The following CUBN variants were observed in gnomAD, a reference collection of about 807,000 sequenced individuals.
CUBN encodes the protein 460 kDa receptor.
A neutral mutation model predicts 405.3 loss-of-function variants in CUBN; 282 were observed. That is an observed-to-expected ratio of 0.70 (90% confidence interval 0.63 to 0.77). CUBN has a LOEUF of 0.77. Among genes scored for constraint, CUBN ranks in the 30% least tolerant of loss-of-function variants. CUBN has a pLI of 0.00. For missense variants in CUBN, 4,514 were observed against 4,475.2 expected, an observed-to-expected ratio of 1.01 and a Z score of -0.25; for synonymous variants, 1,684 against 1,617.0, an observed-to-expected ratio of 1.04 and a Z score of -0.99.
chr10:17,083,271 T>A (rs1214705377), intron 17 of CUBN, among the ~76,000 whole-genome samples: 1 of 152,092 alleles, frequency 6.6e-6, no homozygotes, highest in Non-Finnish European at 1.5e-5. Flanking sequence ...TTTGGGAGGC[T>A]GAGGCCGGAG....
intron 54 of CUBN, among the ~76,000 whole-genome samples, chr10:16,897,791 T>C (rs1010813009): frequency 2.6e-5 from 4 of 152,028 alleles, no homozygotes; most frequent in Non-Finnish European, 4.4e-5. Flanking sequence ...AGAAGACGAG[T>C]GCTTCCCACG....
chr10:17,032,046 C>T (rs1834799419), intron 27 of CUBN, among the ~76,000 whole-genome samples: 1 of 152,178 alleles, frequency 6.6e-6, no homozygotes, highest in South Asian at 2.1e-4. Context: ...AAAATGTGAA[C>T]TCTGCCTGGA....
At chr10:17,118,698 A>G (rs573313203) in intron 6 of CUBN, among the ~76,000 whole-genome samples, 6 of 152,194 alleles carry the variant, frequency 3.9e-5, no homozygotes, top group Admixed American at 3.9e-4. Flanking sequence ...CGGCCTCCCA[A>G]AATGCTGGGA....
At chr10:16,923,654 C>T (rs1842101201) in intron 43 of CUBN, among the ~76,000 whole-genome samples, 1 of 152,164 alleles carries the variant, frequency 6.6e-6, no homozygotes, top group Non-Finnish European at 1.5e-5. Context: ...ATGGCCATAA[C>T]CATACTTGCA....
chr10:16,929,445 A>G (rs1842305000), intron 40 of CUBN, among the ~76,000 whole-genome samples: 1 of 152,236 alleles, frequency 6.6e-6, no homozygotes, highest in African/African-American at 2.4e-5. Flanking sequence ...TATAAAAAAC[A>G]AAAATAGAAT....
intron 22 of CUBN, among the ~76,000 whole-genome samples, chr10:17,065,123 TCTCTCTC>T (rs1835583209): frequency 2.7e-5 from 1 of 37,348 alleles, no homozygotes; most frequent in Non-Finnish European, 5.3e-5. Flanking sequence ...CATTTCTCTC[TCTCTCTC>T]CCCCCCCCCC....
At chr10:16,851,558 G>T in intron 59 of CUBN, 115 bp from the exon 60 acceptor site, 1 of 950,276 alleles carries the variant, frequency 1.1e-6, no homozygotes, top group Non-Finnish European at 1.7e-6. Context: ...CTGAGAACAT[G>T]ATCAGATCAT....
intron 38 of CUBN, among the ~76,000 whole-genome samples, chr10:16,938,010 T>C (rs1458975864): frequency 6.6e-6 from 1 of 152,188 alleles, no homozygotes; most frequent in East Asian, 1.9e-4. Flanking sequence ...TGCAGAATTA[T>C]ATTAATAAAC....
chr10:17,081,966 T>G (rs79799159), intron 17 of CUBN, among the ~76,000 whole-genome samples: 3,517 of 36,898 alleles, frequency 0.095, 145 homozygotes, highest in African/African-American at 0.22. Context: ...AATAATACAG[T>G]TTTTTTTTCC....
At chr10:16,996,810 A>C (rs1344482326) in intron 28 of CUBN, among the ~76,000 whole-genome samples, 1 of 152,222 alleles carries the variant, frequency 6.6e-6, no homozygotes, top group African/African-American at 2.4e-5. Context: ...TAACATCTTG[A>C]AATACACATG....
chr10:16,931,031 C>T (rs535445061), intron 40 of CUBN, among the ~76,000 whole-genome samples: 5 of 151,096 alleles, frequency 3.3e-5, no homozygotes, highest in South Asian at 2.1e-4. Flanking sequence ...CCAAGGTGGG[C>T]AGATCACGAG....
chr10:17,037,917 C>T lies in CUBN; in HGVS notation c.4017+3116G>A, dbSNP rs976380885. Among the ~76,000 whole-genome samples, 17 of 151,118 alleles carry T rather than the reference C, an allele frequency of 1.1e-4. No homozygotes were observed. In the South Asian group the frequency reaches 1.7e-3, roughly 15 times the overall value. On this transcript the variant is annotated intron_variant, in intron 27 of 66. Coordinates refer to ENST00000377833, the MANE Select transcript of CUBN (RefSeq NM_001081.4). Reference sequence around the variant, plus strand: ...ACCACAACCTCTCTCGACTGCTCTTCCCTTGGCTCCCATGACACAGTCACC... The same window carrying T: ...ACCACAACCTCTCTCGACTGCTCTTTCCTTGGCTCCCATGACACAGTCACC...
At chr10:16,886,597 C>T (rs1050260420) in intron 56 of CUBN, among the ~76,000 whole-genome samples, 10 of 152,096 alleles carry the variant, frequency 6.6e-5, no homozygotes, top group Non-Finnish European at 1.0e-4. Context: ...AGTCAAAGCC[C>T]AGCCCAAATC....
intron 59 of CUBN, among the ~76,000 whole-genome samples, chr10:16,856,844 T>C (rs1001713489): frequency 6.6e-6 from 1 of 152,168 alleles, no homozygotes; most frequent in African/African-American, 2.4e-5. Context: ...GAAGCTTTAC[T>C]GGAAACTACA....
chr10:17,027,067 T>C (rs1353407820), intron 27 of CUBN, among the ~76,000 whole-genome samples: 2 of 152,258 alleles, frequency 1.3e-5, no homozygotes, highest in Non-Finnish European at 1.5e-5. Flanking sequence ...GTTTCCTTTC[T>C]ATGTGGTGGC....
Position 17,109,203 on chromosome 10 carries a change from G to T in CUBN, c.1111+437C>A, listed in dbSNP as rs146494405. ...GCAAACACTGTTGGTTGTCACCCTAGATCTATTTTCTACTTCCTTCTTTCT... is the reference window on the plus strand; with the variant it reads ...GCAAACACTGTTGGTTGTCACCCTATATCTATTTTCTACTTCCTTCTTTCT... On this transcript the variant is annotated intron_variant, in intron 10 of 66. Transcript: ENST00000377833. Among the ~76,000 whole-genome samples, 4 of 152,120 alleles carry T rather than the reference G, an allele frequency of 2.6e-5. No individual in the cohort carries two copies. The East Asian group carries it at 7.7e-4, about 29-fold the overall frequency.
intron 31 of CUBN, among the ~76,000 whole-genome samples, chr10:16,975,797 G>A (rs4293024): frequency 0.55 from 83,642 of 150,770 alleles, 23,538 homozygotes; most frequent in African/African-American, 0.59. Flanking sequence ...CACCCAGCTA[G>A]TTTTTGTATT....
Position 16,907,550 on chromosome 10 carries a change from A to G in CUBN, c.7663T>C (p.Tyr2555His). Residue 2555 changes from tyrosine (Y) to histidine (H), a missense_variant, in exon 49 of 67, where the codon TAT (tyrosine) becomes CAT (histidine). Physicochemically the swap from Tyr to His is moderately conservative, Grantham distance 83. Transcript: ENST00000377833. ...VIFFTDGSRPYGGFTASYTSS... is the reference protein window; with the variant it reads ...VIFFTDGSRPHGGFTASYTSS... ...GTATAGGAAGCAGTGAAGCCGCCAT[A>G]TGGCCTGGATCCATCCGTGAAAAAA... The G allele has an allele frequency of 1.2e-6, 2 of 1,614,142 alleles. No individual in the cohort carries two copies. The highest frequency in any genetic ancestry group is 1.7e-6 in the Non-Finnish European group (2 of 1,180,022).
At chr10:17,039,886 C>A (rs891687665) in intron 27 of CUBN, among the ~76,000 whole-genome samples, 1 of 152,106 alleles carries the variant, frequency 6.6e-6, no homozygotes, top group African/African-American at 2.4e-5. Flanking sequence ...AAGGGAATCT[C>A]CTTATAGTTA....
Sources: gnomAD v4.1 joint callset for allele counts (sites outside exome capture counted in the v4.1 genomes callset) on GRCh38, gnomAD v4.1.1 for gene constraint, MANE v1.5 for transcripts, NCBI Gene and HGNC (gene_info 2026-07-23, HGNC 2026-07-21) for gene names.